GALNT5: variants seen among roughly 807,000 people sequenced by gnomAD.
GALNT5 encodes the protein UDP-GalNAc:polypeptide N-acetylgalactosaminyltransferase 5.
Under a neutral mutation model 85.4 loss-of-function variants are expected in GALNT5, and 72 were observed. The observed-to-expected ratio is 0.84, with a 90% CI of 0.70 to 1.03. The LOEUF (loss-of-function observed/expected upper bound fraction) is 1.03, where lower values mean the gene tolerates loss of function less well. Ranked by LOEUF, GALNT5 falls within the 50% of genes least tolerant of loss-of-function variation. The pLI, the probability that GALNT5 is intolerant of heterozygous loss-of-function variation, is 0.00. For missense variants in GALNT5, 1,137 were observed against 1,135.5 expected, an observed-to-expected ratio of 1.00 and a Z score of -0.02; for synonymous variants, 404 against 397.0, an observed-to-expected ratio of 1.02 and a Z score of -0.21.
intron 7 of GALNT5, chr2:157,301,762 A>G (rs1291754164): frequency 6.6e-6 from 1 of 152,264 alleles, no homozygotes; most frequent in African/African-American, 2.4e-5. Context: ...CAAGGGGGTG[A>G]TAAGATTTAA....
chr2:157,298,100 G>A (rs2105159146), intron 5 of GALNT5, among the ~76,000 whole-genome samples: 1 of 152,338 alleles, frequency 6.6e-6, no homozygotes, highest in Non-Finnish European at 1.5e-5. Context: ...AAGTTTGTGT[G>A]TGGTTGTGAG....
intron 1 of GALNT5, among the ~76,000 whole-genome samples, chr2:157,260,834 T>A (rs1432723560): frequency 6.6e-6 from 1 of 151,918 alleles, no homozygotes; most frequent in African/African-American, 2.4e-5. Flanking sequence ...CTATCAGCCA[T>A]GCACTGCTTA....
intron 8 of GALNT5, 51 bp from the exon 9 acceptor site, chr2:157,308,508 ACAAAGCCC>A: frequency 3.0e-6 from 4 of 1,346,474 alleles, no homozygotes; most frequent in Non-Finnish European, 4.1e-6. Context: ...AAAATGTTTG[ACAAAGCCC>A]CTGCCTGTGT....
intron 3 of GALNT5, among the ~76,000 whole-genome samples, chr2:157,294,874 A>G (rs987616933): frequency 1.3e-5 from 2 of 152,052 alleles, no homozygotes; most frequent in African/African-American, 2.4e-5. Context: ...TGAGGTTTCA[A>G]TGGAGAGAGA....
intron 1 of GALNT5, among the ~76,000 whole-genome samples, chr2:157,264,227 T>G (rs1682411715): frequency 6.6e-6 from 1 of 151,710 alleles, no homozygotes; most frequent in Non-Finnish European, 1.5e-5. Flanking sequence ...TTTGCTAAAA[T>G]GTGATCCTAT....
Position 157,311,789 on chromosome 2 carries a change from C to T in GALNT5, c.*441C>T, listed in dbSNP as rs1683578322. ...GGATTTTTTCATCAAACAAAAATTT[C>T]TTGAGTTCTTATGGCTAGAAGACCT... On this transcript the variant is annotated 3_prime_UTR_variant, in exon 10 of 10. Transcript: ENST00000259056. 1 of 153,966 alleles carries T rather than the reference C, an allele frequency of 6.5e-6. No individual in the cohort carries two copies. Among genetic ancestry groups the T allele is most frequent in the South Asian group, 2.0e-4 (1 of 4,906 alleles). 9.5% of individuals were successfully genotyped at this position (153,966 alleles called of 1,614,324 possible). A position where few individuals can be genotyped will look rare whatever the true frequency, so the allele number is the denominator to read the frequency against.
rs1309413899 is a variant in GALNT5, at chr2:157,314,030, C to T, written c.*2682C>T. 3 of 151,956 alleles carry T rather than the reference C, an allele frequency of 2.0e-5. No homozygotes were observed. Among genetic ancestry groups the T allele is most frequent in the Admixed American group, 1.3e-4 (2 of 15,246 alleles). 9.4% of individuals were successfully genotyped at this position (151,956 alleles called of 1,614,324 possible). A position where few individuals can be genotyped will look rare whatever the true frequency, so the allele number is the denominator to read the frequency against. ...ACTACCAACATTTTCTTAAGCATAG[C>T]CTTCTAAATTTTTTCAGGAGATTAG... On this transcript the variant is annotated 3_prime_UTR_variant, in exon 10 of 10. Coordinates refer to ENST00000259056, the MANE Select transcript of GALNT5 (RefSeq NM_014568.3).
chr2:157,300,993 T>C lies in GALNT5; in HGVS notation c.2433T>C (p.Ser811=). ...TAAGGGCTCCCATTGTGAGAGCTAG[T>C]GGTGTGGTAAGTTCAAGTGGCAATT... is the stretch of plus-strand genomic sequence containing the variant. ...PDLRAPIVRA[S]GVLINVALGK... The change falls in exon 7 of 10, where the codon AGT becomes AGC. Residue 811 remains serine (S), a synonymous_variant. Transcript: ENST00000259056. 6.2e-7 allele frequency: 1 copy of C among 1,610,238 alleles called. No individual in the cohort carries two copies. Among genetic ancestry groups the C allele is most frequent in the Non-Finnish European group, 8.5e-7 (1 of 1,177,260 alleles).
At chr2:157,281,531 G>C (rs1249967553) in intron 1 of GALNT5, among the ~76,000 whole-genome samples, 1 of 152,156 alleles carries the variant, frequency 6.6e-6, no homozygotes, top group Non-Finnish European at 1.5e-5. Flanking sequence ...AAGGAAGTGA[G>C]CGGCACAGTA....
rs1683736400 is a variant in GALNT5, at chr2:157,317,292, C to G, written c.*5944C>G. On this transcript the variant is annotated 3_prime_UTR_variant, in exon 10 of 10. Transcript: ENST00000259056. The stretch of plus-strand genomic sequence containing the variant: ...ATAAAATGTTTTTAGATATTTTTAA[C>G]TCTTTCAGGTGTATAGCTTTGTCTG... 1.3e-5 allele frequency among the ~76,000 whole-genome samples: 2 copies of G among 150,808 alleles called. No individual in the cohort carries two copies. The highest frequency in any genetic ancestry group is 2.9e-5 in the Non-Finnish European group (2 of 67,800).
intron 1 of GALNT5, among the ~76,000 whole-genome samples, chr2:157,270,741 G>A (rs959580606): frequency 6.6e-6 from 1 of 152,196 alleles, no homozygotes; most frequent in Non-Finnish European, 1.5e-5. Context: ...AATTTTGGAT[G>A]CAGAAGATAA....
At chr2:157,297,760 A>T (rs1351208025) in intron 5 of GALNT5, among the ~76,000 whole-genome samples, 44 of 152,204 alleles carry the variant, frequency 2.9e-4, no homozygotes, top group Admixed American at 2.9e-3. Flanking sequence ...CTAAGCACAA[A>T]GCAGGCTCTC....
At chr2:157,264,415 G>A (rs1056409591) in intron 1 of GALNT5, among the ~76,000 whole-genome samples, 8 of 152,224 alleles carry the variant, frequency 5.3e-5, no homozygotes, top group African/African-American at 1.9e-4. Flanking sequence ...GAATTCTGGC[G>A]TGCTTGTCTA....
rs564864786 is a variant in GALNT5, at chr2:157,315,705, A to G, written c.*4357A>G. On this transcript the variant is annotated 3_prime_UTR_variant, in exon 10 of 10. Coordinates refer to ENST00000259056, the MANE Select transcript of GALNT5 (RefSeq NM_014568.3). The stretch of plus-strand genomic sequence containing the variant: ...TTTTTCATCTCCTGGACCAAATGTG[A>G]AAGAAAGAAGTGGACATGTGGAGGA... Among the ~76,000 whole-genome samples, 2 of 152,274 alleles carry G rather than the reference A, an allele frequency of 1.3e-5. No homozygotes were observed. Among genetic ancestry groups the G allele is most frequent in the Non-Finnish European group, 2.9e-5 (2 of 68,020 alleles).
chr2:157,299,436 G>C, intron 5 of GALNT5, 112 bp from the exon 6 acceptor site: 1 of 652,286 alleles, frequency 1.5e-6, no homozygotes, highest in Non-Finnish European at 2.8e-6. Context: ...CCCTGCATCA[G>C]GTAGCTATTC....
chr2:157,281,640 C>A (rs1682857334), intron 1 of GALNT5, among the ~76,000 whole-genome samples: 1 of 152,138 alleles, frequency 6.6e-6, no homozygotes, highest in Non-Finnish European at 1.5e-5. Context: ...AAGCTTCTAT[C>A]AATCATCTTT....
rs891431655 is a variant in GALNT5, at chr2:157,316,840, C to G, written c.*5492C>G. On this transcript the variant is annotated 3_prime_UTR_variant, in exon 10 of 10. Transcript: ENST00000259056. ...CAATAGTTATCATTTCAATTAGAGT[C>G]GCTTTGCAAGTTTATGTGAATCTTT... Among the ~76,000 whole-genome samples the G allele has an allele frequency of 1.3e-5, 2 of 152,012 alleles. No individual in the cohort carries two copies. Among genetic ancestry groups the G allele is most frequent in the African/African-American group, 4.8e-5 (2 of 41,404 alleles).
rs150436111 is a variant in GALNT5 at position 157,265,275 on chromosome 2, T to C, written c.1454+5739T>C. Among the ~76,000 whole-genome samples, 377 of 152,312 alleles carry C rather than the reference T, an allele frequency of 2.5e-3. 2 individuals are homozygous for C. The highest frequency in any genetic ancestry group is 0.01 in the Middle Eastern group (3 of 294). On this transcript the variant is annotated intron_variant, in intron 1 of 9. Coordinates refer to ENST00000259056, the MANE Select transcript of GALNT5 (RefSeq NM_014568.3). ...GCTGTAACATAATGAAGGTGAAATATGGCCAAAGGACAATGAACTGGGCCT... is the reference window on the plus strand; with the variant it reads ...GCTGTAACATAATGAAGGTGAAATACGGCCAAAGGACAATGAACTGGGCCT...
intron 1 of GALNT5, among the ~76,000 whole-genome samples, chr2:157,278,253 C>G (rs930194076): frequency 2.0e-5 from 3 of 152,206 alleles, no homozygotes; most frequent in South Asian, 2.1e-4. Flanking sequence ...CTGTCCTTAA[C>G]ATTTTTCCCT....
Sources: gnomAD v4.1 joint callset for allele counts (sites outside exome capture counted in the v4.1 genomes callset) on GRCh38, gnomAD v4.1.1 for gene constraint, MANE v1.5 for transcripts, NCBI Gene and HGNC (gene_info 2026-07-23, HGNC 2026-07-21) for gene names.